Variants in DKK2 observed in about 807,000 individuals in gnomAD.
The protein encoded by DKK2 is dickkopf-related protein 2.
Under a neutral mutation model 28.1 loss-of-function variants are expected in DKK2, and 11 were observed. The observed-to-expected ratio is 0.39, with a 90% confidence interval of 0.25 to 0.65. The LOEUF is 0.65. Among genes scored for constraint, DKK2 ranks in the 30% least tolerant of loss-of-function variants. The probability of loss-of-function intolerance (pLI) is 0.47; values close to 1 mark genes in which losing one functional copy is unlikely to be tolerated. For missense variants in DKK2, 326 were observed against 335.5 expected, an observed-to-expected ratio of 0.97 and a Z score of 0.22; for synonymous variants, 135 against 126.5, an observed-to-expected ratio of 1.07 and a Z score of -0.45.
At chr4:107,031,450 C>T (rs561739495) in intron 1 of DKK2, among the ~76,000 whole-genome samples, 5 of 152,074 alleles carry the variant, frequency 3.3e-5, no homozygotes, top group Admixed American at 1.3e-4. Context: ...TATTAGTGCT[C>T]TTTAGTCAAC....
intron 1 of DKK2, among the ~76,000 whole-genome samples, chr4:107,025,596 C>T (rs1030176878): frequency 6.6e-6 from 1 of 152,296 alleles, no homozygotes; most frequent in Middle Eastern, 3.4e-3. Context: ...TTCTTAGCAG[C>T]CCCACCACCA....
chr4:107,023,176 T>C (rs746750639), intron 1 of DKK2, among the ~76,000 whole-genome samples: 1 of 152,126 alleles, frequency 6.6e-6, no homozygotes, highest in Non-Finnish European at 1.5e-5. Context: ...TTCTTCATGT[T>C]ATTAGAGAGT....
At chr4:106,947,916 G>A (rs1045843723) in intron 1 of DKK2, among the ~76,000 whole-genome samples, 2 of 151,996 alleles carry the variant, frequency 1.3e-5, no homozygotes, top group South Asian at 2.1e-4. Flanking sequence ...CTCTCGAGTT[G>A]CTAGGATTAC....
chr4:106,971,874 T>C (rs1722872500), intron 1 of DKK2, among the ~76,000 whole-genome samples: 1 of 152,070 alleles, frequency 6.6e-6, no homozygotes, highest in Non-Finnish European at 1.5e-5. Context: ...GTTGGCTCAT[T>C]TGGTCACCCA....
chr4:106,954,780 CA>C (rs1722563886), intron 1 of DKK2, among the ~76,000 whole-genome samples: 1 of 152,176 alleles, frequency 6.6e-6, no homozygotes, highest in African/African-American at 2.4e-5. Flanking sequence ...CTCGCCCTCG[CA>C]AAGTGCTGGG....
At chr4:107,030,559 T>G (rs1723861650) in intron 1 of DKK2, among the ~76,000 whole-genome samples, 1 of 151,972 alleles carries the variant, frequency 6.6e-6, no homozygotes, top group Non-Finnish European at 1.5e-5. Flanking sequence ...CGGGTTTATC[T>G]CCTTGTTATA....
intron 1 of DKK2, among the ~76,000 whole-genome samples, chr4:106,998,212 C>A (rs1326624010): frequency 6.6e-6 from 1 of 152,172 alleles, no homozygotes; most frequent in African/African-American, 2.4e-5. Context: ...TAATGAATCA[C>A]ATTTTTCTAA....
chr4:106,929,266 T>C (rs568259600), intron 1 of DKK2, among the ~76,000 whole-genome samples: 1 of 152,326 alleles, frequency 6.6e-6, no homozygotes, highest in East Asian at 1.9e-4. Flanking sequence ...TAGTGCATTC[T>C]CATGGCTCTT....
intron 1 of DKK2, among the ~76,000 whole-genome samples, chr4:107,025,056 C>G (rs4956276): frequency 0.24 from 36,023 of 152,036 alleles, 4,649 homozygotes; most frequent in East Asian, 0.53. Flanking sequence ...AAGAGGTTAA[C>G]CATATCCCCA....
Position 106,922,274 on chromosome 4 carries a change from G to A in DKK2, c.*1680C>T, listed in dbSNP as rs1403395321. 6.6e-6 allele frequency: 1 copy of A among 152,098 alleles called. No homozygotes were observed. Among genetic ancestry groups the A allele is most frequent in the Non-Finnish European group, 1.5e-5 (1 of 68,010 alleles). The allele number at this position is 152,098 out of a possible 1,614,324, so 9.4% of individuals were successfully genotyped here. On this transcript the variant is annotated 3_prime_UTR_variant, in exon 4 of 4. Coordinates refer to ENST00000285311, the MANE Select transcript of DKK2 (RefSeq NM_014421.3). ...GGGAGAACTTAAATTTGAGACTGCA[G>A]ATGGGATTTAAGTAAAAGAAAACTA...
intron 1 of DKK2, among the ~76,000 whole-genome samples, chr4:106,935,166 G>A (rs963165930): frequency 6.6e-6 from 1 of 152,192 alleles, no homozygotes; most frequent in Non-Finnish European, 1.5e-5. Flanking sequence ...CATGAGTGAG[G>A]CAGAAGACGG....
At chr4:106,986,271 C>T (rs748249816) in intron 1 of DKK2, among the ~76,000 whole-genome samples, 48 of 152,010 alleles carry the variant, frequency 3.2e-4, no homozygotes, top group Non-Finnish European at 5.4e-4. Context: ...TACTCTAGTT[C>T]CCTCCTTCTT....
At chr4:106,925,972 C>G in intron 1 of DKK2, 23 bp from the exon 2 acceptor site, 5 of 1,582,558 alleles carry the variant, frequency 3.2e-6, no homozygotes, top group Non-Finnish European at 4.3e-6. Context: ...GGAACAACAC[C>G]AGAAGTAAAG....
At chr4:106,996,146 T>C (rs944256898) in intron 1 of DKK2, among the ~76,000 whole-genome samples, 2 of 152,250 alleles carry the variant, frequency 1.3e-5, no homozygotes, top group Admixed American at 1.3e-4. Context: ...ATTGACAATG[T>C]ATATTTGTCA....
chr4:106,962,489 CTATGTGTGTGTGTGTGTG>C (rs1722700114), intron 1 of DKK2, among the ~76,000 whole-genome samples: 2 of 112,992 alleles, frequency 1.8e-5, no homozygotes, highest in East Asian at 5.9e-4. Context: ...GCCAGAAAAA[CTATGTGTGTGTGTGTGTG>C]TGTGTGTGTG....
In DKK2 at chr4:106,923,849, T is replaced by C; in HGVS notation, c.*105A>G. On this transcript the variant is annotated 3_prime_UTR_variant, in exon 4 of 4. Coordinates refer to ENST00000285311, the MANE Select transcript of DKK2 (RefSeq NM_014421.3). ...ATCATCTATATTCTTATCACGTTTC[T>C]TATTTTAGCCATTCTTCTGCATCTG... 1 of 1,453,250 alleles carries C rather than the reference T, an allele frequency of 6.9e-7. No individual in the cohort carries two copies. The allele number at this position is 1,453,250 out of a possible 1,614,324, so 90.0% of individuals were successfully genotyped here.
chr4:106,986,360 T>C (rs2110360168), intron 1 of DKK2, among the ~76,000 whole-genome samples: 1 of 152,338 alleles, frequency 6.6e-6, no homozygotes, highest in South Asian at 2.1e-4. Context: ...GAGGACTTGC[T>C]TTGACGGGGC....
chr4:106,991,587 A>T (rs1360561291), intron 1 of DKK2, among the ~76,000 whole-genome samples: 1 of 152,176 alleles, frequency 6.6e-6, no homozygotes, highest in African/African-American at 2.4e-5. Flanking sequence ...CTAAAGTCCT[A>T]TATGAGCACA....
chr4:106,944,053 T>G (rs2110344623), intron 1 of DKK2, among the ~76,000 whole-genome samples: 1 of 152,222 alleles, frequency 6.6e-6, no homozygotes, highest in South Asian at 2.1e-4. Context: ...GAGGTGTTAT[T>G]GCAAAGGATC....
Sources: gnomAD v4.1 joint callset for allele counts (sites outside exome capture counted in the v4.1 genomes callset) on GRCh38, gnomAD v4.1.1 for gene constraint, MANE v1.5 for transcripts, NCBI Gene and HGNC (gene_info 2026-07-23, HGNC 2026-07-21) for gene names.